Variants in LANCL2 observed in about 807,000 individuals in gnomAD.
LANCL2 encodes lanC-like protein 2.
LANCL2 carries 33 observed loss-of-function variants against 56.9 expected under a neutral mutation model. The observed-to-expected ratio is 0.58, with a 90% CI of 0.44 to 0.78. The LOEUF (loss-of-function observed/expected upper bound fraction) is 0.78, where lower values mean the gene tolerates loss of function less well. Ranked by LOEUF, LANCL2 falls within the 30% of genes least tolerant of loss-of-function variation. LANCL2 has a pLI of 0.00. For synonymous variants in LANCL2, 233 were observed against 228.2 expected, an observed-to-expected ratio of 1.02 and a Z score of -0.19; for missense variants, 562 against 580.2, an observed-to-expected ratio of 0.97 and a Z score of 0.32.
At chr7:55,382,684 G>A (rs951699444) in intron 1 of LANCL2, among the ~76,000 whole-genome samples, 1 of 152,128 alleles carries the variant, frequency 6.6e-6, no homozygotes, top group Non-Finnish European at 1.5e-5. Context: ...AACTGGTTGA[G>A]CCCTGTTACC....
intron 1 of LANCL2, among the ~76,000 whole-genome samples, chr7:55,379,400 C>T (rs570252850): frequency 6.8e-4 from 103 of 152,342 alleles, no homozygotes; most frequent in African/African-American, 2.4e-3. Context: ...ATTTAGGTCT[C>T]ATGGGTCAGA....
intron 6 of LANCL2, among the ~76,000 whole-genome samples, chr7:55,420,278 G>C (rs898250706): frequency 4.6e-5 from 7 of 152,068 alleles, no homozygotes. Context: ...TTTAGTTTTA[G>C]ATATTCCCTA....
At chr7:55,373,654 G>C (rs576151219) in intron 1 of LANCL2, among the ~76,000 whole-genome samples, 8 of 152,252 alleles carry the variant, frequency 5.3e-5, no homozygotes, top group Admixed American at 5.2e-4. Context: ...GCAGTAGGTA[G>C]TAAATGTTTG....
chr7:55,402,258 C>A (rs1790341548), intron 5 of LANCL2, among the ~76,000 whole-genome samples: 1 of 131,836 alleles, frequency 7.6e-6, no homozygotes, highest in Non-Finnish European at 1.7e-5. Flanking sequence ...GCTGACCCCC[C>A]CGCCTCCCTC....
At chr7:55,401,774 T>A (rs1406242742) in intron 5 of LANCL2, among the ~76,000 whole-genome samples, 1 of 129,520 alleles carries the variant, frequency 7.7e-6, no homozygotes, top group African/African-American at 3.1e-5. Context: ...AGCATCTTGT[T>A]TAACAAAGCA....
intron 6 of LANCL2, among the ~76,000 whole-genome samples, chr7:55,424,915 C>T (rs533587839): frequency 3.9e-5 from 6 of 152,260 alleles, no homozygotes; most frequent in East Asian, 1.9e-4. Flanking sequence ...CTAGGTTGCG[C>T]GCTCCTTATG....
At chr7:55,426,077 C>T (rs1790661564) in intron 7 of LANCL2, among the ~76,000 whole-genome samples, 1 of 152,212 alleles carries the variant, frequency 6.6e-6, no homozygotes, top group Non-Finnish European at 1.5e-5. Context: ...CCTTCAGCTC[C>T]TTGCCATGCT....
intron 1 of LANCL2, among the ~76,000 whole-genome samples, chr7:55,385,068 T>C (rs1293941857): frequency 6.6e-6 from 1 of 152,100 alleles, no homozygotes; most frequent in Non-Finnish European, 1.5e-5. Context: ...ACACCTGTAG[T>C]CCCAGTTACT....
chr7:55,406,847 A>G (rs1314539196), intron 5 of LANCL2, among the ~76,000 whole-genome samples: 1 of 152,266 alleles, frequency 6.6e-6, no homozygotes, highest in African/African-American at 2.4e-5. Context: ...GCTAGGGGAC[A>G]TCTGGAGCTC....
chr7:55,406,440 T>C (rs909439584), intron 5 of LANCL2, among the ~76,000 whole-genome samples: 2 of 152,168 alleles, frequency 1.3e-5, no homozygotes, highest in Non-Finnish European at 2.9e-5. Context: ...CTGAAAGATC[T>C]GGTTCCCGCT....
intron 4 of LANCL2, 94 bp downstream of exon 4, chr7:55,400,198 T>A: frequency 9.1e-7 from 1 of 1,093,240 alleles, no homozygotes; most frequent in Non-Finnish European, 1.2e-6. Context: ...TACTTCTAGG[T>A]AGCATTACTT....
intron 2 of LANCL2, among the ~76,000 whole-genome samples, chr7:55,397,656 CTTTTTTTTT>C (rs10659615): frequency 9.2e-6 from 1 of 108,852 alleles, no homozygotes; most frequent in Admixed American, 1.0e-4. Flanking sequence ...TATACTGATT[CTTTTTTTTT>C]TTTTTTTTTT....
At chr7:55,427,172 C>T (rs1292990413) in intron 7 of LANCL2, among the ~76,000 whole-genome samples, 1 of 152,204 alleles carries the variant, frequency 6.6e-6, no homozygotes, top group African/African-American at 2.4e-5. Flanking sequence ...TAGTTCTTCC[C>T]TGTAGCCAGT....
intron 1 of LANCL2, among the ~76,000 whole-genome samples, chr7:55,389,280 G>T (rs1473153015): frequency 6.6e-6 from 1 of 152,158 alleles, no homozygotes; most frequent in East Asian, 1.9e-4. Flanking sequence ...ACTGGAAAAG[G>T]TGTCACTCGG....
At chr7:55,403,035 G>T (rs1393123083) in intron 5 of LANCL2, among the ~76,000 whole-genome samples, 75 of 151,894 alleles carry the variant, frequency 4.9e-4, no homozygotes, top group Non-Finnish European at 1.0e-3. Context: ...CCCAGACGGG[G>T]TGGCGGCCGG....
At chr7:55,414,148 A>G (rs770293927) in intron 6 of LANCL2, among the ~76,000 whole-genome samples, 12 of 152,238 alleles carry the variant, frequency 7.9e-5, no homozygotes, top group Admixed American at 5.2e-4. Flanking sequence ...TCTTCATAGT[A>G]TAAACTACAG....
chr7:55,412,640 T>TAAG (rs1790484085), intron 6 of LANCL2, among the ~76,000 whole-genome samples: 1 of 152,264 alleles, frequency 6.6e-6, no homozygotes, highest in South Asian at 2.1e-4. Flanking sequence ...GGCATAATAT[T>TAAG]AAGAGCGCTA....
intron 1 of LANCL2, among the ~76,000 whole-genome samples, chr7:55,372,253 T>C (rs752671357): frequency 8.5e-5 from 13 of 152,228 alleles, no homozygotes; most frequent in African/African-American, 1.4e-4. Context: ...TAAGAAGATA[T>C]TATACATGAG....
intron 7 of LANCL2, 85 bp from the exon 8 acceptor site, chr7:55,428,290 T>C (rs1402570043): frequency 8.3e-7 from 1 of 1,202,150 alleles, no homozygotes; most frequent in African/African-American, 1.5e-5. Flanking sequence ...ACTTCCCTGA[T>C]GCCTGTGAAG....
Sources: allele counts gnomAD v4.1 joint callset (sites outside exome capture counted in the v4.1 genomes callset), GRCh38; gene constraint gnomAD v4.1.1; transcripts MANE v1.5; gene names NCBI Gene and HGNC (gene_info 2026-07-23, HGNC 2026-07-21).